Variants in GAL3ST1 observed in about 807,000 individuals in gnomAD.
GAL3ST1 encodes the protein galactose-3-O-sulfotransferase 1, also known as galactosylceramide sulfotransferase.
Under a neutral mutation model 25.0 loss-of-function variants are expected in GAL3ST1, and 13 were observed. That is an observed-to-expected ratio of 0.52 (90% CI 0.34 to 0.83). The LOEUF (loss-of-function observed/expected upper bound fraction) is 0.83, where lower values mean the gene tolerates loss of function less well. GAL3ST1 is among the 40% of genes least tolerant of loss of function. The pLI is 0.02. For missense variants in GAL3ST1, 474 were observed against 613.6 expected (o/e 0.77, Z 2.40); for synonymous variants, 274 against 277.8 (o/e 0.99, Z 0.14).
At chr22:30,566,597 G>A (rs1411776011) in intron 1 of GAL3ST1, among the ~76,000 whole-genome samples, 1 of 152,054 alleles carries the variant, frequency 6.6e-6, no homozygotes, top group Non-Finnish European at 1.5e-5. Flanking sequence ...TCTTTCCAGA[G>A]TATTGATGAT....
In GAL3ST1 at chr22:30,556,017, C is replaced by A; in HGVS notation, c.208G>T (p.Gly70Trp). 6.2e-7 allele frequency: 1 copy of A among 1,612,738 alleles called. No homozygotes were observed. Among genetic ancestry groups the A allele is most frequent in the South Asian group, 1.1e-5 (1 of 91,074 alleles). ...ATGTTGCGCCGCGGCTGGCACTCCC[C>A]CGCCGAGCCGTTGGCCCGGATCACT... Reference protein sequence around the residue: ...EAVIRANGSAGECQPRRNIVF... With the variant: ...EAVIRANGSAWECQPRRNIVF... Residue 70 changes from glycine (G) to tryptophan (W), a missense_variant, in exon 4 of 4, where the codon GGG becomes TGG. By Grantham distance (184) the Gly-to-Trp change is radical (BLOSUM62 -2). This residue lies in a region of GAL3ST1 where 115 missense variants were observed against 109.2 expected (regional missense o/e 1.05). Coordinates refer to ENST00000406361, the MANE Select transcript of GAL3ST1 (RefSeq NM_001318104.2).
chr22:30,561,136 G>T (rs1026887495), intron 1 of GAL3ST1, among the ~76,000 whole-genome samples: 5 of 152,142 alleles, frequency 3.3e-5, no homozygotes, highest in African/African-American at 9.7e-5. Context: ...TAGAGCCGGG[G>T]TTTCACCATG....
At chr22:30,563,866 A>G (rs1050842870) in intron 1 of GAL3ST1, among the ~76,000 whole-genome samples, 7 of 151,120 alleles carry the variant, frequency 4.6e-5, no homozygotes, top group Admixed American at 4.6e-4. Context: ...CAGCGAGCCG[A>G]GATCACTCCA....
chr22:30,555,210 C>T lies in GAL3ST1; in HGVS notation c.1015G>A (p.Glu339Lys). 1 of 1,599,274 alleles carries T rather than the reference C, an allele frequency of 6.3e-7. No homozygotes were observed. Among genetic ancestry groups the T allele is most frequent in the African/African-American group, 1.3e-5 (1 of 74,880 alleles). Reference protein sequence around the residue: ...REVAALRHANERMRTICIDGG... With the variant: ...REVAALRHANKRMRTICIDGG... ...TCGATGCAGATGGTCCGCATGCGCT[C>T]GTTGGCATGGCGCAGGGCGGCCACC... Residue 339 changes from glutamate (E) to lysine (K), a missense_variant, in exon 4 of 4, where the codon GAG (glutamate) becomes AAG (lysine). By Grantham distance (56) the Glu-to-Lys change is moderately conservative (BLOSUM62 1). Transcript: ENST00000406361. The surrounding 1 kb of genome is among the most constrained non-coding windows in gnomAD (Gnocchi z 8.6).
At chr22:30,570,601 A>G (rs1360893863) in intron 1 of GAL3ST1, among the ~76,000 whole-genome samples, 1 of 152,218 alleles carries the variant, frequency 6.6e-6, no homozygotes, top group Non-Finnish European at 1.5e-5. Flanking sequence ...GTTTGAGACC[A>G]GCCTGACAAC....
intron 1 of GAL3ST1, chr22:30,560,719 C>G (rs931025449): frequency 3.3e-5 from 5 of 152,028 alleles, no homozygotes; most frequent in Non-Finnish European, 7.3e-5. Flanking sequence ...GGACCCACCC[C>G]GGCCCCAGCA....
Position 30,568,161 on chromosome 22 carries a change from G to A in GAL3ST1, c.-120+6305C>T, listed in dbSNP as rs188909879. ...AACGGATTGTCTGAGGCTTGCAGAA[G>A]CACGAAGAAAACACCTGATCCAGCC... is the stretch of plus-strand genomic sequence containing the variant. On this transcript the variant is annotated intron_variant, in intron 1 of 3. Transcript: ENST00000406361. Among the ~76,000 whole-genome samples the A allele has an allele frequency of 9.8e-5, 15 of 152,358 alleles. No individual in the cohort carries two copies. The East Asian group carries it at 2.9e-3, about 29-fold the overall frequency.
intron 2 of GAL3ST1, chr22:30,557,789 T>A: frequency 9.8e-5 from 1 of 10,256 alleles, no homozygotes; most frequent in Non-Finnish European, 1.7e-4. Flanking sequence ...CTTATTACCT[T>A]TTTTTTTTTA....
chr22:30,572,091 G>A (rs1197844421), intron 1 of GAL3ST1, among the ~76,000 whole-genome samples: 1 of 152,122 alleles, frequency 6.6e-6, no homozygotes, highest in African/African-American at 2.4e-5. Flanking sequence ...TTAGAGAAGC[G>A]CTAACTGGGG....
chr22:30,569,417 G>T (rs550248807), intron 1 of GAL3ST1, among the ~76,000 whole-genome samples: 1 of 152,266 alleles, frequency 6.6e-6, no homozygotes, highest in Admixed American at 6.5e-5. Flanking sequence ...TTGCTGTTGG[G>T]TGACTGGCTG....
At chr22:30,556,548 C>T (rs556193095) in intron 3 of GAL3ST1, among the ~76,000 whole-genome samples, 2 of 152,130 alleles carry the variant, frequency 1.3e-5, no homozygotes, top group Non-Finnish European at 2.9e-5. Flanking sequence ...CATGAGGAAA[C>T]GGGAGAGCCT....
intron 1 of GAL3ST1, among the ~76,000 whole-genome samples, chr22:30,572,427 C>T (rs2086811371): frequency 6.6e-6 from 1 of 152,204 alleles, no homozygotes; most frequent in Non-Finnish European, 1.5e-5. Context: ...GTGACTTCCC[C>T]TCTCTGAGCC....
At chr22:30,559,821 TC>T (rs1439715115) in intron 1 of GAL3ST1, among the ~76,000 whole-genome samples, 1 of 152,168 alleles carries the variant, frequency 6.6e-6, no homozygotes, top group Non-Finnish European at 1.5e-5. Context: ...CCTTCCCACC[TC>T]CCCTTAGCTG....
chr22:30,566,800 G>A (rs1049325090), intron 1 of GAL3ST1, among the ~76,000 whole-genome samples: 2 of 151,754 alleles, frequency 1.3e-5, no homozygotes, highest in Non-Finnish European at 2.9e-5. Flanking sequence ...TAGTAGAGAC[G>A]GGGTTTCACC....
rs555193878 is a variant in GAL3ST1 at position 30,557,520 on chromosome 22, G to A, written c.-9-119C>T. On this transcript the variant is annotated intron_variant, in intron 2 of 3. Transcript: ENST00000406361. ...GCCTGCTCTGTGGCCCCCCAGCAGG[G>A]TCCAGACAGGGACAGAGAGGCACTG... The A allele has an allele frequency of 2.9e-5, 31 of 1,067,716 alleles. No homozygotes were observed. In the South Asian group the frequency reaches 4.0e-4, roughly 14 times the overall value. 66.1% of individuals were successfully genotyped at this position (1,067,716 alleles called of 1,614,324 possible). A position where few individuals can be genotyped will look rare whatever the true frequency, so the allele number is the denominator to read the frequency against.
In GAL3ST1 at chr22:30,556,026, C is replaced by T. The variant is rs866052007; in HGVS notation, c.199G>A (p.Gly67Ser). ...LEPEAVIRAN[G>S]SAGECQPRRN... ...CGCGGCTGGCACTCCCCCGCCGAGC[C>T]GTTGGCCCGGATCACTGCCTCTGGC... Residue 67 changes from glycine to serine, a missense_variant, in exon 4 of 4, where the codon GGC (glycine) becomes AGC (serine). Coordinates refer to ENST00000406361, the MANE Select transcript of GAL3ST1 (RefSeq NM_001318104.2). The T allele has an allele frequency of 6.2e-7, 1 of 1,612,960 alleles. No homozygotes were observed. Among genetic ancestry groups the T allele is most frequent in the East Asian group, 2.2e-5 (1 of 44,870 alleles).
chr22:30,566,770 C>T (rs1324096448), intron 1 of GAL3ST1, among the ~76,000 whole-genome samples: 3 of 152,018 alleles, frequency 2.0e-5, no homozygotes, highest in Non-Finnish European at 2.9e-5. Flanking sequence ...CCACCATGCT[C>T]GGCTAATTTT....
intron 1 of GAL3ST1, chr22:30,560,450 T>TA (rs1601950502): frequency 6.6e-6 from 1 of 152,152 alleles, no homozygotes. Flanking sequence ...AGTCATCACT[T>TA]AGAGTGTTAT....
Position 30,555,337 on chromosome 22 carries a change from G to A in GAL3ST1, c.888C>T (p.Arg296=), listed in dbSNP as rs755005236. The change falls in exon 4 of 4, where the codon CGC becomes CGT. Residue 296 remains arginine (R), a synonymous_variant. Transcript: ENST00000406361. The surrounding 1 kb of genome is among the most constrained non-coding windows in gnomAD (Gnocchi z 8.6). ...AGTCCAGCATGTTCCAGGCGGTGGC[G>A]CGCCCATACAGCTCCCCCGAGAGCC... The part of the protein sequence containing the change: ...VPRLSGELYG[R]ATAWNMLDSH... 5 of 1,607,168 alleles carry A rather than the reference G, an allele frequency of 3.1e-6. No individual in the cohort carries two copies. The highest frequency in any genetic ancestry group is 1.3e-5 in the African/African-American group (1 of 74,866).
Sources: gnomAD v4.1 joint callset for allele counts (sites outside exome capture counted in the v4.1 genomes callset) on GRCh38, gnomAD v4.1.1 for gene constraint, gnomAD v4.1.1 regional missense constraint, Gnocchi (gnomAD v3.1) non-coding constraint, MANE v1.5 for transcripts, NCBI Gene and HGNC (gene_info 2026-07-23, HGNC 2026-07-21) for gene names.